The following ACYP2 variants were observed in gnomAD, a reference collection of about 807,000 sequenced individuals.
ACYP2 encodes the protein acylphosphatase-2.
Under a neutral mutation model 11.2 loss-of-function variants are expected in ACYP2, and 12 were observed. The ratio of observed to expected loss-of-function variants is 1.08; its 90% CI spans 0.69 to 1.74. The LOEUF is 1.74. Ranked by LOEUF, ACYP2 falls within the 40% of genes most tolerant of loss-of-function variation. The probability of loss-of-function intolerance (pLI) is 0.00; values close to 1 mark genes in which losing one functional copy is unlikely to be tolerated. For synonymous variants in ACYP2, 43 were observed against 32.2 expected (o/e 1.33, Z -1.13); for missense variants, 134 against 101.9 (o/e 1.31, Z -1.35).
intron 4 of ACYP2, among the ~76,000 whole-genome samples, chr2:54,114,894 C>T (rs994240378): frequency 2.6e-5 from 4 of 152,172 alleles, no homozygotes; most frequent in African/African-American, 9.7e-5. Context: ...ATGTTGCAGA[C>T]CTTATCTTAA....
chr2:54,209,322 G>A (rs1444825303), intron 6 of ACYP2, among the ~76,000 whole-genome samples: 2 of 152,098 alleles, frequency 1.3e-5, no homozygotes, highest in Non-Finnish European at 2.9e-5. Context: ...GGGGATAAAA[G>A]TTCATGTTTT....
chr2:54,246,268 C>A (rs1686948206), intron 6 of ACYP2, among the ~76,000 whole-genome samples: 1 of 151,962 alleles, frequency 6.6e-6, no homozygotes, highest in African/African-American at 2.4e-5. Context: ...TCTCCCCCGA[C>A]CCCTACCCTT....
chr2:54,263,123 G>C lies in ACYP2; in HGVS notation c.405-41565G>C, dbSNP rs1204520619. Among the ~76,000 whole-genome samples the C allele has an allele frequency of 3.3e-5, 5 of 152,138 alleles. 1 individual carries two copies. The South Asian group carries it at 1.0e-3, about 32-fold the overall frequency. On this transcript the variant is annotated intron_variant, in intron 6 of 6. Transcript: ENST00000607452. The stretch of plus-strand genomic sequence containing the variant: ...AATTTATAAAGAAAAAAGTGTAATT[G>C]GTTCAGCAGGCTTTACAGGAAGCAT...
At chr2:53,991,076 G>C (rs572825873) in intron 2 of ACYP2, among the ~76,000 whole-genome samples, 13 of 152,284 alleles carry the variant, frequency 8.5e-5, no homozygotes, top group African/African-American at 2.9e-4. Flanking sequence ...GATTACAGGC[G>C]TGAGCCACCG....
At chr2:54,206,181 A>C (rs1685063857) in intron 6 of ACYP2, among the ~76,000 whole-genome samples, 1 of 152,090 alleles carries the variant, frequency 6.6e-6, no homozygotes, top group South Asian at 2.1e-4. Context: ...TATTTTTGTT[A>C]ATTCCCCTGT....
At chr2:54,058,730 G>A (rs1676300647) in intron 4 of ACYP2, among the ~76,000 whole-genome samples, 1 of 126,924 alleles carries the variant, frequency 7.9e-6, no homozygotes, top group African/African-American at 3.0e-5. Context: ...TTTTTTTTTG[G>A]TCAGGAGCAC....
chr2:54,235,566 G>T (rs1397151343), intron 6 of ACYP2, among the ~76,000 whole-genome samples: 2 of 152,140 alleles, frequency 1.3e-5, no homozygotes, highest in African/African-American at 4.8e-5. Context: ...TAGCCAGGAT[G>T]GTCTCGATCT....
intron 2 of ACYP2, among the ~76,000 whole-genome samples, chr2:54,003,556 G>A (rs896915855): frequency 3.9e-5 from 6 of 152,062 alleles, no homozygotes; most frequent in African/African-American, 1.4e-4. Context: ...CACTGTGCCT[G>A]GCCCAGAGCT....
intron 6 of ACYP2, among the ~76,000 whole-genome samples, chr2:54,240,700 G>A (rs1686695698): frequency 6.6e-6 from 1 of 152,168 alleles, no homozygotes; most frequent in African/African-American, 2.4e-5. Context: ...GCAACTCCCT[G>A]GTGAGATGAG....
intron 2 of ACYP2, among the ~76,000 whole-genome samples, chr2:53,977,310 G>A (rs1413352687): frequency 6.6e-6 from 1 of 152,070 alleles, no homozygotes; most frequent in Non-Finnish European, 1.5e-5. Context: ...CTCCCAAAGC[G>A]CTGGAATTAC....
At chr2:54,290,999 A>G (rs1208900646) in intron 6 of ACYP2, among the ~76,000 whole-genome samples, 1 of 152,216 alleles carries the variant, frequency 6.6e-6, no homozygotes, top group Admixed American at 6.5e-5. Flanking sequence ...TCACAGGCAG[A>G]CAGCTAGAAA....
At chr2:54,026,195 G>A (rs568722971) in intron 2 of ACYP2, among the ~76,000 whole-genome samples, 18 of 152,120 alleles carry the variant, frequency 1.2e-4, no homozygotes, top group Middle Eastern at 3.4e-3. Context: ...AAGGACTAAT[G>A]TCCAGAATCT....
intron 2 of ACYP2, among the ~76,000 whole-genome samples, chr2:54,003,131 T>C (rs1016640489): frequency 2.6e-5 from 4 of 152,042 alleles, no homozygotes; most frequent in East Asian, 3.9e-4. Flanking sequence ...TTATTTTTAA[T>C]AAGGACAGGC....
At position 53,993,418 on chromosome 2, in the gene ACYP2, G is replaced by A. The variant is rs545860298; in HGVS notation, c.62+19608G>A. Reference sequence around the variant, plus strand: ...CAGGTGCAGATTGAATCATAGATTTGGGAATCAGGCCGGGCGTGGTGGTTC... The same window carrying A: ...CAGGTGCAGATTGAATCATAGATTTAGGAATCAGGCCGGGCGTGGTGGTTC... On this transcript the variant is annotated intron_variant, in intron 2 of 6. Coordinates refer to ENST00000607452, the MANE Select transcript of ACYP2 (RefSeq NM_001320586.2). Among the ~76,000 whole-genome samples, 12 of 152,124 alleles carry A rather than the reference G, an allele frequency of 7.9e-5. No homozygotes were observed. The South Asian group carries it at 2.5e-3, about 32-fold the overall frequency.
At chr2:54,236,169 CAA>C (rs1488140941) in intron 6 of ACYP2, among the ~76,000 whole-genome samples, 24 of 152,102 alleles carry the variant, frequency 1.6e-4, no homozygotes, top group Non-Finnish European at 3.1e-4. Context: ...CTCCTGGGCT[CAA>C]GTGATCCTCC....
At chr2:54,175,465 T>A (rs1455671092) in intron 6 of ACYP2, among the ~76,000 whole-genome samples, 1 of 152,088 alleles carries the variant, frequency 6.6e-6, no homozygotes, top group Non-Finnish European at 1.5e-5. Flanking sequence ...ATTTTGTTGA[T>A]CTTTTCAAAA....
chr2:54,029,560 G>T, intron 2 of ACYP2: 1 of 398,878 alleles, frequency 2.5e-6, no homozygotes, highest in Non-Finnish European at 4.8e-6. Flanking sequence ...TCTTCTCTGG[G>T]TGGAGCTGAC....
intron 6 of ACYP2, among the ~76,000 whole-genome samples, chr2:54,218,852 A>G (rs538435629): frequency 1.8e-4 from 28 of 152,268 alleles, no homozygotes; most frequent in African/African-American, 5.3e-4. Context: ...GGAGGTCTCT[A>G]CAAATAAACT....
intron 2 of ACYP2, among the ~76,000 whole-genome samples, chr2:53,983,492 CA>C (rs1671866812): frequency 6.6e-6 from 1 of 152,026 alleles, no homozygotes; most frequent in Non-Finnish European, 1.5e-5. Context: ...GGCAACAGAG[CA>C]AGACCCTGTC....
Sources: gnomAD v4.1 joint callset for allele counts (sites outside exome capture counted in the v4.1 genomes callset) on GRCh38, gnomAD v4.1.1 for gene constraint, MANE v1.5 for transcripts, NCBI Gene and HGNC (gene_info 2026-07-23, HGNC 2026-07-21) for gene names.